The following NTN1 variants were observed in gnomAD, a reference collection of about 807,000 sequenced individuals.
NTN1 encodes the protein netrin 1, also known as netrin-1.
Under a neutral mutation model 54.2 loss-of-function variants are expected in NTN1, and 11 were observed. The observed-to-expected ratio is 0.20, with a 90% CI of 0.13 to 0.34. The LOEUF is 0.34. NTN1 is among the 10% of genes least tolerant of loss of function. The probability of loss-of-function intolerance (pLI) is 1.00; values close to 1 mark genes in which losing one functional copy is unlikely to be tolerated. For missense variants in NTN1, 740 were observed against 893.1 expected (o/e 0.83, Z 2.18); for synonymous variants, 371 against 382.0 (o/e 0.97, Z 0.33).
chr17:9,020,981 C>T (rs994788585), upstream of NTN1, among the ~76,000 whole-genome samples: 1 of 152,200 alleles, frequency 6.6e-6, no homozygotes, highest in African/African-American at 2.4e-5. Flanking sequence ...ACATCCTCCT[C>T]CTCTTCCTCA....
chr17:9,131,211 C>G (rs1292259846), intron 2 of NTN1, among the ~76,000 whole-genome samples: 2 of 152,186 alleles, frequency 1.3e-5, no homozygotes, highest in African/African-American at 4.8e-5. Flanking sequence ...CCGTGATCAC[C>G]CTGTAGAAAA....
chr17:9,063,538 G>A (rs2092005459), intron 2 of NTN1, among the ~76,000 whole-genome samples: 1 of 151,794 alleles, frequency 6.6e-6, no homozygotes. Context: ...AAGTGCAGGT[G>A]GTTAGCAGAG....
intron 2 of NTN1, among the ~76,000 whole-genome samples, chr17:9,039,143 A>C (rs1386207818): frequency 6.6e-6 from 1 of 152,096 alleles, no homozygotes; most frequent in African/African-American, 2.4e-5. Flanking sequence ...ATCTGTTTGG[A>C]TATTTCAGTA....
At chr17:9,045,652 A>G (rs574288657) in intron 2 of NTN1, among the ~76,000 whole-genome samples, 2 of 152,346 alleles carry the variant, frequency 1.3e-5, no homozygotes, top group Middle Eastern at 3.4e-3. Flanking sequence ...AAAAATTAAT[A>G]GAATAAGCCA....
chr17:9,183,227 C>A, intron 5 of NTN1: 1 of 678,310 alleles, frequency 1.5e-6, no homozygotes, highest in South Asian at 1.5e-5. Flanking sequence ...AAAAACTGAG[C>A]TCCTTCTACT....
At chr17:9,046,841 A>G (rs1183693292) in intron 2 of NTN1, among the ~76,000 whole-genome samples, 1 of 152,164 alleles carries the variant, frequency 6.6e-6, no homozygotes, top group East Asian at 1.9e-4. Context: ...TCCCTCTGAA[A>G]TGAGTTGTGA....
At chr17:9,217,081 GC>G (rs1248865228) in intron 5 of NTN1, among the ~76,000 whole-genome samples, 1 of 151,650 alleles carries the variant, frequency 6.6e-6, no homozygotes, top group Non-Finnish European at 1.5e-5. Context: ...TGACATCTTT[GC>G]TGTACTGCTG....
intron 3 of NTN1, among the ~76,000 whole-genome samples, chr17:9,179,445 G>A (rs1487092381): frequency 6.6e-6 from 1 of 152,220 alleles, no homozygotes; most frequent in East Asian, 1.9e-4. Context: ...TCAAGGGAAG[G>A]TGTATCCCCC....
chr17:9,213,781 C>T (rs951087117), intron 5 of NTN1, among the ~76,000 whole-genome samples: 3 of 152,182 alleles, frequency 2.0e-5, no homozygotes, highest in African/African-American at 7.2e-5. Context: ...ACCTCTGAAA[C>T]CATCTCTATC....
At chr17:9,011,443 G>C in the NTN1 span, among the ~76,000 whole-genome samples, 1 of 152,136 alleles carries the variant, frequency 6.6e-6, no homozygotes, top group African/African-American at 2.4e-5. Context: ...TCTCTTGTAA[G>C]GATAACTATG....
chr17:9,204,762 G>A (rs1461195099), intron 5 of NTN1, among the ~76,000 whole-genome samples: 1 of 152,220 alleles, frequency 6.6e-6, no homozygotes, highest in East Asian at 1.9e-4. Context: ...ACTGTAGGAT[G>A]CAGAGCTTGG....
chr17:9,202,918 T>C (rs922663002), intron 5 of NTN1, among the ~76,000 whole-genome samples: 2 of 152,058 alleles, frequency 1.3e-5, no homozygotes, highest in South Asian at 2.1e-4. Flanking sequence ...TTTTTTCTTA[T>C]TTTTTTATTT....
chr17:9,183,386 G>A (rs1225165259), intron 5 of NTN1: 1 of 478,622 alleles, frequency 2.1e-6, no homozygotes, highest in African/African-American at 2.0e-5. Flanking sequence ...AGGGGGCCCA[G>A]GAGCTGGGCG....
At chr17:9,019,305 A>G (rs2091838395), upstream of NTN1, among the ~76,000 whole-genome samples, 1 of 152,248 alleles carries the variant, frequency 6.6e-6, no homozygotes, top group Non-Finnish European at 1.5e-5. Context: ...TTTTATGCAT[A>G]CTTTTTAAAA....
In NTN1 at chr17:9,211,828, T is replaced by C. The variant is rs537368955; in HGVS notation, c.1412-9340T>C. On this transcript the variant is annotated intron_variant, in intron 5 of 6. Coordinates refer to ENST00000173229, the MANE Select transcript of NTN1 (RefSeq NM_004822.3). The surrounding 1 kb of genome is among the most constrained non-coding windows in gnomAD (Gnocchi z 4.4). ...CTTTGTTCCCTTTTTATTTCCTCTT[T>C]TGTGAATGGCCTGTTCCTTCCCTTT... is the stretch of plus-strand genomic sequence containing the variant. 4.6e-5 allele frequency among the ~76,000 whole-genome samples: 7 copies of C among 152,360 alleles called. No homozygotes were observed. Among genetic ancestry groups the C allele is most frequent in the African/African-American group, 1.7e-4 (7 of 41,578 alleles).
chr17:9,135,949 C>T lies in NTN1; in HGVS notation c.1019-26864C>T, dbSNP rs922856880. Among the ~76,000 whole-genome samples the T allele has an allele frequency of 7.2e-5, 11 of 152,230 alleles. No individual in the cohort carries two copies. Among genetic ancestry groups the T allele is most frequent in the Admixed American group, 5.2e-4 (8 of 15,290 alleles). ...ACGTGTCTGTGTGCGCACGCTCACT[C>T]ATACATGTGTGCACGTGCCTACTCA... On this transcript the variant is annotated intron_variant, in intron 2 of 6. Coordinates refer to ENST00000173229, the MANE Select transcript of NTN1 (RefSeq NM_004822.3). The surrounding 1 kb of genome is among the most constrained non-coding windows in gnomAD (Gnocchi z 4.4).
chr17:9,137,848 G>T (rs576192940), intron 2 of NTN1, among the ~76,000 whole-genome samples: 1 of 152,174 alleles, frequency 6.6e-6, no homozygotes, highest in Non-Finnish European at 1.5e-5. Context: ...CGGCATTTCC[G>T]GCCTTCCCGG....
chr17:9,095,562 A>G (rs1322765425), intron 2 of NTN1, among the ~76,000 whole-genome samples: 1 of 152,200 alleles, frequency 6.6e-6, no homozygotes, highest in Non-Finnish European at 1.5e-5. Context: ...CTTTCTGTCC[A>G]ATGATACACA....
chr17:9,056,628 TG>T (rs2142203389), intron 2 of NTN1, among the ~76,000 whole-genome samples: 2 of 152,226 alleles, frequency 1.3e-5, no homozygotes, highest in African/African-American at 4.8e-5. Flanking sequence ...GTAGAGTGTG[TG>T]GGGTGCTGAG....
Sources: gnomAD v4.1 joint callset for allele counts (sites outside exome capture counted in the v4.1 genomes callset) on GRCh38, gnomAD v4.1.1 for gene constraint, Gnocchi (gnomAD v3.1) non-coding constraint, MANE v1.5 for transcripts, NCBI Gene and HGNC (gene_info 2026-07-23, HGNC 2026-07-21) for gene names.